The following ELF2 variants were observed in gnomAD, a reference collection of about 807,000 sequenced individuals.
ELF2 encodes the protein E74 like ETS transcription factor 2.
In ELF2, 11 loss-of-function variants were observed where a neutral mutation model predicts 54.8. The observed-to-expected ratio is 0.20, with a 90% CI of 0.13 to 0.33. The LOEUF is 0.33. ELF2 is among the 10% of genes least tolerant of loss of function. ELF2 has a pLI of 1.00. For missense variants in ELF2, 513 were observed against 703.0 expected (o/e 0.73, Z 3.06); for synonymous variants, 203 against 245.1 (o/e 0.83, Z 1.61).
rs1984681 is a variant in ELF2, at chr4:139,115,011, G to C, written c.238+10153C>G. ...CAGAAATGAAGGCCTCTGTGGGTTT[G>C]TAACAGTCAACCAGCAGCTCCTTGA... is the stretch of plus-strand genomic sequence containing the variant. On this transcript the variant is annotated intron_variant, in intron 4 of 9. Coordinates refer to ENST00000686138, the MANE Select transcript of ELF2 (RefSeq NM_001331036.3). 28 of 1,613,732 alleles carry C rather than the reference G, an allele frequency of 1.7e-5. No individual in the cohort carries two copies. In the Middle Eastern group the frequency reaches 1.2e-3, roughly 66 times the overall value.
intron 4 of ELF2, among the ~76,000 whole-genome samples, chr4:139,109,973 CCT>C (rs1007772065): frequency 6.6e-6 from 1 of 152,066 alleles, no homozygotes; most frequent in African/African-American, 2.4e-5. Flanking sequence ...ACATGTACCC[CCT>C]GAATCTAAAA....
chr4:139,065,165 A>G (rs1028048328), intron 7 of ELF2, among the ~76,000 whole-genome samples: 1 of 152,096 alleles, frequency 6.6e-6, no homozygotes, highest in African/African-American at 2.4e-5. Context: ...AACTCATCAA[A>G]ATCCCTCATA....
At chr4:139,172,444 AC>A (rs1742405608) in intron 1 of ELF2, among the ~76,000 whole-genome samples, 1 of 152,116 alleles carries the variant, frequency 6.6e-6, no homozygotes, top group Non-Finnish European at 1.5e-5. Context: ...CACCATATTC[AC>A]GCTGTCTACA....
At position 139,084,401 on chromosome 4, in the gene ELF2, C is replaced by G. The variant is rs1731682225; in HGVS notation, c.239-10834G>C. 2.1e-6 allele frequency: 3 copies of G among 1,420,528 alleles called. No homozygotes were observed. The Admixed American group carries it at 7.5e-5, about 35-fold the overall frequency. The allele number at this position is 1,420,528 out of a possible 1,614,324, so 88.0% of individuals were successfully genotyped here. ...CTCCCGCCGCCGGGCTGAGAAACCC[C>G]ACCACCTAACGGCAGGGGCAGGGGC... On this transcript the variant is annotated intron_variant, in intron 4 of 9. Transcript: ENST00000686138.
intron 1 of ELF2, among the ~76,000 whole-genome samples, chr4:139,161,531 CT>C (rs1428195607): frequency 6.6e-6 from 1 of 151,422 alleles, no homozygotes; most frequent in African/African-American, 2.4e-5. Context: ...CTTTAAGGTT[CT>C]TTTTTAGGTT....
intron 1 of ELF2, among the ~76,000 whole-genome samples, chr4:139,144,956 C>T (rs1739082424): frequency 1.3e-5 from 2 of 152,226 alleles, no homozygotes; most frequent in Admixed American, 6.5e-5. Flanking sequence ...CCTATGGCCT[C>T]ACCCATCATC....
Position 139,154,741 on chromosome 4 carries a change from CT to C in ELF2, c.-251-15245del, listed in dbSNP as rs1560875655. ...AGGACAAAAGAGTTCTAAGTCATCCCTCTGCTAACCTGACACCAATGCACAT... is the reference window on the plus strand; with the variant it reads ...AGGACAAAAGAGTTCTAAGTCATCCCCTGCTAACCTGACACCAATGCACAT... On this transcript the variant is annotated intron_variant, in intron 1 of 9. Coordinates refer to ENST00000686138, the MANE Select transcript of ELF2 (RefSeq NM_001331036.3). 7.9e-5 allele frequency among the ~76,000 whole-genome samples: 12 copies of C among 151,666 alleles called. 1 individual carries two copies. The South Asian group carries it at 2.5e-3, about 32-fold the overall frequency.
intron 5 of ELF2, chr4:139,072,365 T>C (rs1037192870): frequency 8.7e-6 from 2 of 230,222 alleles, no homozygotes; most frequent in African/African-American, 4.7e-5. Context: ...TGAAAACATT[T>C]GAAAATAATA....
chr4:139,113,187 G>C (rs1025005034), intron 4 of ELF2, among the ~76,000 whole-genome samples: 3 of 151,940 alleles, frequency 2.0e-5, no homozygotes, highest in Non-Finnish European at 4.4e-5. Flanking sequence ...CTGAGATCTT[G>C]TCTCTGCAAA....
intron 4 of ELF2, among the ~76,000 whole-genome samples, chr4:139,075,259 TTC>T (rs1412062748): frequency 6.6e-6 from 1 of 152,176 alleles, no homozygotes; most frequent in Non-Finnish European, 1.5e-5. Flanking sequence ...TGCCACTTAT[TTC>T]TGTTACCTGA....
chr4:139,173,999 G>A (rs1434422975), intron 1 of ELF2, among the ~76,000 whole-genome samples: 2 of 150,652 alleles, frequency 1.3e-5, no homozygotes, highest in African/African-American at 2.4e-5. Context: ...CAAGGCGGGC[G>A]GATCACGAGG....
rs765886805 is a variant in ELF2, at chr4:139,059,405, T to A, written c.1360A>T (p.Met454Leu). Reference sequence around the variant, plus strand: ...ATGGTAATAATTTTGGCAGGCTGCATGGTGATTTTGTCTCCATTTTCAGTA... The same window carrying A: ...ATGGTAATAATTTTGGCAGGCTGCAAGGTGATTTTGTCTCCATTTTCAGTA... ...ASTENGDKIT[M>L]QPAKIITIPA... is the part of the protein sequence containing the mutation. The change falls in exon 10 of 10, where the codon ATG (methionine) becomes TTG (leucine). Residue 454 changes from methionine to leucine, a missense_variant. Coordinates refer to ENST00000686138, the MANE Select transcript of ELF2 (RefSeq NM_001331036.3). The A allele has an allele frequency of 3.1e-6, 5 of 1,613,974 alleles. No homozygotes were observed. Among genetic ancestry groups the A allele is most frequent in the Non-Finnish European group, 4.2e-6 (5 of 1,179,858 alleles).
intron 2 of ELF2, among the ~76,000 whole-genome samples, chr4:139,138,185 G>A (rs1036270853): frequency 1.3e-5 from 2 of 152,156 alleles, no homozygotes; most frequent in Non-Finnish European, 2.9e-5. Flanking sequence ...TTGGGAGGCC[G>A]AGGCAGGCGG....
At position 139,071,292 on chromosome 4, in the gene ELF2, T is replaced by C. The variant is rs1729477064; in HGVS notation, c.526+574A>G. Reference sequence around the variant, plus strand: ...AAATGATATATATATTTAGTATGACTATATATGAATATGATATATATCATA... The same window carrying C: ...AAATGATATATATATTTAGTATGACCATATATGAATATGATATATATCATA... On this transcript the variant is annotated intron_variant, in intron 6 of 9. Transcript: ENST00000686138. Among the ~76,000 whole-genome samples, 3 of 152,034 alleles carry C rather than the reference T, an allele frequency of 2.0e-5. No individual in the cohort carries two copies. The South Asian group carries it at 6.2e-4, about 32-fold the overall frequency.
chr4:139,062,740 T>C (rs1006995098), intron 7 of ELF2, among the ~76,000 whole-genome samples: 4 of 152,238 alleles, frequency 2.6e-5, no homozygotes, highest in Non-Finnish European at 4.4e-5. Flanking sequence ...AAAAGGGACT[T>C]AGTAATTTTA....
At chr4:139,067,834 C>G in intron 6 of ELF2, 64 bp from the exon 7 acceptor site, 1 of 1,448,864 alleles carries the variant, frequency 6.9e-7, no homozygotes, top group Non-Finnish European at 9.4e-7. Context: ...GCACGATTAG[C>G]AGACTTTCTG....
intron 4 of ELF2, chr4:139,084,410 A>ACGGCAGTGGCAGGGG: frequency 7.7e-7 from 1 of 1,298,948 alleles, no homozygotes; most frequent in Non-Finnish European, 9.9e-7. Context: ...CCACCACCTA[A>ACGGCAGTGGCAGGGG]CGGCAGGGGC....
intron 1 of ELF2, among the ~76,000 whole-genome samples, chr4:139,168,582 G>A (rs546350571): frequency 6.6e-6 from 1 of 152,044 alleles, no homozygotes; most frequent in Admixed American, 6.6e-5. Context: ...TGACTGAAAG[G>A]GTCCTGACAC....
At position 139,058,703 on chromosome 4, in the gene ELF2, A is replaced by G; in HGVS notation, c.*280T>C. On this transcript the variant is annotated 3_prime_UTR_variant, in exon 10 of 10. Transcript: ENST00000686138. ...GTGTTCCAAGTCTTAGTGTAACTTG[A>G]TATCGTAGTGAGCTGCTTGGTCCCT... is the stretch of plus-strand genomic sequence containing the variant. The G allele has an allele frequency of 3.0e-6, 1 of 328,138 alleles. No individual in the cohort carries two copies. The highest frequency in any genetic ancestry group is 5.6e-6 in the Non-Finnish European group (1 of 179,608). The allele number at this position is 328,138 out of a possible 1,614,324, so 20.3% of individuals were successfully genotyped here.
Sources: allele counts gnomAD v4.1 joint callset (sites outside exome capture counted in the v4.1 genomes callset), GRCh38; gene constraint gnomAD v4.1.1; transcripts MANE v1.5; gene names NCBI Gene and HGNC (gene_info 2026-07-23, HGNC 2026-07-21).